DMRTC2: variants seen among roughly 807,000 people sequenced by gnomAD.
DMRTC2 encodes doublesex- and mab-3-related transcription factor C2.
A neutral mutation model predicts 39.9 loss-of-function variants in DMRTC2; 13 were observed. The observed-to-expected ratio is 0.33, with a 90% CI of 0.21 to 0.52. The LOEUF is 0.52. Ranked by LOEUF, DMRTC2 falls within the 20% of genes least tolerant of loss-of-function variation. The probability of loss-of-function intolerance (pLI) is 0.96; values close to 1 mark genes in which losing one functional copy is unlikely to be tolerated. For missense variants in DMRTC2, 431 were observed against 472.8 expected (o/e 0.91, Z 0.82); for synonymous variants, 189 against 185.2 (o/e 1.02, Z -0.17).
chr19:41,848,860 G>GCCTCCTGGCCCTTGGGTC lies in DMRTC2; in HGVS notation c.517_534dup (p.Pro173_Pro178dup). On this transcript the variant is annotated inframe_insertion, in exon 5 of 9. Transcript: ENST00000269945. The stretch of plus-strand genomic sequence containing the variant: ...CCTCGCCCTTGTCCTGGACTCCGGT[G>GCCTCCTGGCCCTTGGGTC]CCTCCTGGCCCTTGGGTCCCTGGAC... 1 of 1,612,388 alleles carries GCCTCCTGGCCCTTGGGTC rather than the reference G, an allele frequency of 6.2e-7. No homozygotes were observed. The highest frequency in any genetic ancestry group is 8.5e-7 in the Non-Finnish European group (1 of 1,180,030).
At chr19:41,850,482 A>G (rs782272343) in intron 7 of DMRTC2, 44 bp from the exon 8 acceptor site, 1 of 1,587,074 alleles carries the variant, frequency 6.3e-7, no homozygotes, top group South Asian at 1.1e-5. Context: ...GAGGGTGGGC[A>G]GAAGCGGGGG....
chr19:41,850,258 T>G, intron 6 of DMRTC2, 54 bp from the exon 7 acceptor site: 1 of 1,412,426 alleles, frequency 7.1e-7, no homozygotes, highest in Non-Finnish European at 9.4e-7. Context: ...TTTCAATGTG[T>G]GCATGTCTGT....
At position 41,850,653 on chromosome 19, in the gene DMRTC2, C is replaced by G; in HGVS notation, c.944C>G (p.Pro315Arg). Residue 315 changes from proline (P) to arginine (R), a missense_variant, in exon 8 of 9, where the codon CCC (proline) becomes CGC (arginine). Transcript: ENST00000269945. ...GCTCCTCGTGTGACCCCTTCTGTGC[C>G]CCCCAACCCTGCCTGGATCTCCCTG... ...SQAPRVTPSVPPNPAWISLLH... is the reference protein window; with the variant it reads ...SQAPRVTPSVRPNPAWISLLH... 6.2e-7 allele frequency: 1 copy of G among 1,607,638 alleles called. No homozygotes were observed. Among genetic ancestry groups the G allele is most frequent in the Non-Finnish European group, 8.5e-7 (1 of 1,177,050 alleles).
chr19:41,845,152 C>T (rs1353277063), intron 1 of DMRTC2, 51 bp downstream of exon 1: 1 of 152,324 alleles, frequency 6.6e-6, no homozygotes, highest in Non-Finnish European at 1.5e-5. Context: ...TTTCCGTCCT[C>T]CTCCCTCTTA....
In DMRTC2 at chr19:41,847,512, A is replaced by G. The variant is rs1555836250; in HGVS notation, c.84A>G (p.Thr28=). 6.2e-7 allele frequency: 1 copy of G among 1,614,074 alleles called. No individual in the cohort carries two copies. The highest frequency in any genetic ancestry group is 1.1e-5 in the South Asian group (1 of 91,068). ...PWDETRDPQS[T]ELIPRRAISR... ...ATGAGACCAGAGACCCCCAGAGCACAGAGCTGATCCCCAGGAGAGCCATCA... is the reference window on the plus strand; with the variant it reads ...ATGAGACCAGAGACCCCCAGAGCACGGAGCTGATCCCCAGGAGAGCCATCA... Residue 28 remains threonine (T), a synonymous_variant, in exon 2 of 9, where the codon ACA becomes ACG. Coordinates refer to ENST00000269945, the MANE Select transcript of DMRTC2 (RefSeq NM_001040283.3).
intron 8 of DMRTC2, chr19:41,850,955 A>C: frequency 2.3e-6 from 1 of 442,352 alleles, no homozygotes; most frequent in Non-Finnish European, 4.0e-6. Context: ...GGACTTGCCC[A>C]AGGGCATATA....
rs371621401 is a variant in DMRTC2 at position 41,848,930 on chromosome 19, C to T, written c.583C>T (p.Arg195Cys). 6.2e-6 allele frequency: 10 copies of T among 1,613,870 alleles called. No individual in the cohort carries two copies. The highest frequency in any genetic ancestry group is 6.8e-6 in the Non-Finnish European group (8 of 1,180,052). Residue 195 changes from arginine to cysteine, a missense_variant, in exon 5 of 9, where the codon CGC becomes TGC. Physicochemically the swap from Arg to Cys is radical, Grantham distance 180 (BLOSUM62 -3). Coordinates refer to ENST00000269945, the MANE Select transcript of DMRTC2 (RefSeq NM_001040283.3). ...GFSMPPPVVC[R>C]LLYQEPAVSL... ...CTCCATGCCACCACCAGTGGTGTGC[C>T]GCCTGCTGTACCAAGAACCTGCTGT... is the stretch of plus-strand genomic sequence containing the variant.
intron 3 of DMRTC2, 107 bp from the exon 4 acceptor site, chr19:41,848,345 C>CA (rs797033084): frequency 0.069 from 50,013 of 726,444 alleles, 17 homozygotes; most frequent in East Asian, 0.083. Flanking sequence ...GACTCCATCT[C>CA]AAAAAAAAAA....
chr19:41,848,269 C>T (rs990214018), intron 3 of DMRTC2, among the ~76,000 whole-genome samples, 183 bp from the exon 4 acceptor site: 1 of 152,118 alleles, frequency 6.6e-6, no homozygotes, highest in Non-Finnish European at 1.5e-5. Flanking sequence ...TCACTTGAAC[C>T]CAGGAGGCGG....
At chr19:41,848,265 G>A (rs2073896807) in intron 3 of DMRTC2, among the ~76,000 whole-genome samples, 187 bp from the exon 4 acceptor site, 3 of 152,106 alleles carry the variant, frequency 2.0e-5, no homozygotes. Context: ...AGAATCACTT[G>A]AACCCAGGAG....
intron 1 of DMRTC2, among the ~76,000 whole-genome samples, chr19:41,846,857 G>A (rs988031650): frequency 1.4e-4 from 21 of 145,110 alleles, no homozygotes; most frequent in African/African-American, 2.7e-4. Context: ...TTGAGCCACC[G>A]CACCCGGCCT....
Position 41,851,634 on chromosome 19 carries a change from A to G in DMRTC2, c.1042A>G (p.Ser348Gly). 1.2e-6 allele frequency: 2 copies of G among 1,614,188 alleles called. No individual in the cohort carries two copies. Among genetic ancestry groups the G allele is most frequent in the Non-Finnish European group, 1.7e-6 (2 of 1,180,034 alleles). Residue 348 changes from serine (S) to glycine (G), a missense_variant, in exon 9 of 9, where the codon AGC becomes GGC. Transcript: ENST00000269945. Reference sequence around the variant, plus strand: ...GCCTGTTGGCCCCTGTCTTCGACCCAGCCCAGCCCCCTCTGTTGCTCTGCA... The same window carrying G: ...GCCTGTTGGCCCCTGTCTTCGACCCGGCCCAGCCCCCTCTGTTGCTCTGCA... The part of the protein sequence containing the change: ...FQPVGPCLRP[S>G]PAPSVALHIG...
At chr19:41,846,480 G>A (rs1201933436) in intron 1 of DMRTC2, among the ~76,000 whole-genome samples, 1 of 152,152 alleles carries the variant, frequency 6.6e-6, no homozygotes, top group Non-Finnish European at 1.5e-5. Flanking sequence ...GGCCAAGGCA[G>A]GAGGATCGCT....
Position 41,847,900 on chromosome 19 carries a change from C to T in DMRTC2, c.370+19C>T, listed in dbSNP as rs547295887. The T allele has an allele frequency of 9.2e-5, 144 of 1,569,420 alleles. No individual in the cohort carries two copies. Among genetic ancestry groups the T allele is most frequent in the South Asian group, 8.7e-4 (75 of 85,930 alleles). ...GTCCCCTGTGAGTGTCTCTGACCAGCGATGGGGCAGGAGTTTGGGTACAGG... is the reference window on the plus strand; with the variant it reads ...GTCCCCTGTGAGTGTCTCTGACCAGTGATGGGGCAGGAGTTTGGGTACAGG... On this transcript the variant is annotated intron_variant, in intron 3 of 8. Coordinates refer to ENST00000269945, the MANE Select transcript of DMRTC2 (RefSeq NM_001040283.3).
intron 8 of DMRTC2, 85 bp from the exon 9 acceptor site, chr19:41,851,499 C>A: frequency 9.0e-7 from 1 of 1,109,546 alleles, no homozygotes; most frequent in Non-Finnish European, 1.3e-6. Flanking sequence ...AATGATGAGG[C>A]CTGGATTGGA....
chr19:41,849,302 TGTGTCCAACCACAGTGCTG>T lies in DMRTC2; in HGVS notation c.755+63_755+81del, dbSNP rs782199753. On this transcript the variant is annotated intron_variant, in intron 6 of 8. Coordinates refer to ENST00000269945, the MANE Select transcript of DMRTC2 (RefSeq NM_001040283.3). ...GTGTATCATAAGCCTAAGCCTGTGC[TGTGTCCAACCACAGTGCTG>T]GTGTCCAACCACAGTGGATAATGAA... is the stretch of plus-strand genomic sequence containing the variant. The T allele has an allele frequency of 1.0e-5, 16 of 1,603,186 alleles. No individual in the cohort carries two copies. In the African/African-American group the frequency reaches 1.7e-4, roughly 17 times the overall value.
chr19:41,846,897 C>A (rs376237073), intron 1 of DMRTC2, among the ~76,000 whole-genome samples: 3 of 149,976 alleles, frequency 2.0e-5, no homozygotes, highest in African/African-American at 7.3e-5. Flanking sequence ...AAAGGGGGGA[C>A]GGGTGCAGTG....
chr19:41,850,429 A>C, intron 7 of DMRTC2, 57 bp downstream of exon 7: 1 of 1,570,884 alleles, frequency 6.4e-7, no homozygotes, highest in Non-Finnish European at 8.6e-7. Context: ...CTGGGGAAGG[A>C]AAAAGCAGGA....
At chr19:41,847,683 T>G (rs1354490979) in intron 2 of DMRTC2, 31 bp downstream of exon 2, 2 of 1,613,774 alleles carry the variant, frequency 1.2e-6, no homozygotes, top group Non-Finnish European at 1.7e-6. Flanking sequence ...GGGAGGAGGA[T>G]GAGCCTCCTC....
Sources: allele counts gnomAD v4.1 joint callset (sites outside exome capture counted in the v4.1 genomes callset), GRCh38; gene constraint gnomAD v4.1.1; transcripts MANE v1.5; gene names NCBI Gene and HGNC (gene_info 2026-07-23, HGNC 2026-07-21).